PLOD2: variants seen among roughly 807,000 people sequenced by gnomAD.
PLOD2 encodes lysine hydroxylase 2.
A neutral mutation model predicts 101.0 loss-of-function variants in PLOD2; 65 were observed. That is an observed-to-expected ratio of 0.64 (90% CI 0.53 to 0.79). The LOEUF is 0.79. PLOD2 is among the 30% of genes least tolerant of loss of function. The pLI, the probability that PLOD2 is intolerant of heterozygous loss-of-function variation, is 0.00. For synonymous variants in PLOD2, 314 were observed against 302.9 expected (o/e 1.04, Z -0.38); for missense variants, 909 against 914.6 (o/e 0.99, Z 0.08).
intron 5 of PLOD2, chr3:146,105,007 A>G (rs887905292): frequency 2.6e-5 from 4 of 152,200 alleles, no homozygotes; most frequent in African/African-American, 2.4e-5. Flanking sequence ...TACGAATGCA[A>G]CGACTGAAAC....
At chr3:146,106,477 A>G (rs1937536110) in intron 5 of PLOD2, 55 bp downstream of exon 5, 1 of 838,754 alleles carries the variant, frequency 1.2e-6, no homozygotes, top group Admixed American at 1.7e-5. Context: ...TTAACACAAT[A>G]TAACACACAA....
chr3:146,077,841 TA>T lies in PLOD2; in HGVS notation c.1563+20del. ...CAAATATTAAATAAACAAAAATAAATAAAATAAGTAAAAATAACACCTTTGG... is the reference window on the plus strand; with the variant it reads ...CAAATATTAAATAAACAAAAATAAATAAATAAGTAAAAATAACACCTTTGG... On this transcript the variant is annotated intron_variant, in intron 14 of 19. Coordinates refer to ENST00000282903, the MANE Select transcript of PLOD2 (RefSeq NM_182943.3). The T allele has an allele frequency of 6.9e-7, 1 of 1,448,044 alleles. No individual in the cohort carries two copies. Among genetic ancestry groups the T allele is most frequent in the South Asian group, 1.2e-5 (1 of 82,532 alleles). 89.7% of individuals were successfully genotyped at this position (1,448,044 alleles called of 1,614,324 possible).
Position 146,124,251 on chromosome 3 carries a change from AAAG to A in PLOD2, c.110-25_110-23del, listed in dbSNP as rs761194465. 2.2e-4 allele frequency: 290 copies of A among 1,347,520 alleles called. No individual in the cohort carries two copies. The East Asian group carries it at 6.3e-3, about 29-fold the overall frequency. The allele number at this position is 1,347,520 out of a possible 1,614,324, so 83.5% of individuals were successfully genotyped here. ...TTATCTGCAAAGACAAAAGGAAACAAAAGAAGGTTTACCAAGATATCAAATGCT... is the reference window on the plus strand; with the variant it reads ...TTATCTGCAAAGACAAAAGGAAACAAAAGGTTTACCAAGATATCAAATGCT... On this transcript the variant is annotated intron_variant, in intron 1 of 19. Transcript: ENST00000282903.
intron 15 of PLOD2, among the ~76,000 whole-genome samples, chr3:146,074,193 G>A: frequency 6.6e-6 from 1 of 151,216 alleles, no homozygotes; most frequent in South Asian, 2.1e-4. Context: ...ATTCAAATAT[G>A]GATATTTACT....
At chr3:146,086,667 C>A (rs982737547) in intron 10 of PLOD2, 120 bp downstream of exon 10, 3 of 626,890 alleles carry the variant, frequency 4.8e-6, no homozygotes, top group South Asian at 5.0e-5. Context: ...CTACTGCATA[C>A]GCAAACAAAT....
At chr3:146,111,955 G>A (rs1302223739) in intron 3 of PLOD2, among the ~76,000 whole-genome samples, 3 of 152,064 alleles carry the variant, frequency 2.0e-5, no homozygotes, top group African/African-American at 4.8e-5. Flanking sequence ...ACTACCATGC[G>A]AGTGATAAAC....
intron 15 of PLOD2, 141 bp from the exon 16 acceptor site, chr3:146,073,493 T>C (rs1936224553): frequency 2.5e-6 from 1 of 407,096 alleles, no homozygotes; most frequent in Non-Finnish European, 4.6e-6. Flanking sequence ...GAAATCACAG[T>C]ATATAGCCTA....
At chr3:146,080,344 C>T (rs1208544697) in intron 12 of PLOD2, among the ~76,000 whole-genome samples, 1 of 152,008 alleles carries the variant, frequency 6.6e-6, no homozygotes, top group Non-Finnish European at 1.5e-5. Flanking sequence ...ATAAAAGTTA[C>T]ATGAATGTTT....
At chr3:146,095,670 C>A (rs1317172306) in intron 7 of PLOD2, among the ~76,000 whole-genome samples, 1 of 152,008 alleles carries the variant, frequency 6.6e-6, no homozygotes, top group Admixed American at 6.5e-5. Flanking sequence ...GGATCTAGAA[C>A]CAGAAATACC....
Position 146,085,281 on chromosome 3 carries a change from T to G in PLOD2, c.1128-8A>C. On this transcript the variant is annotated splice_region_variant and splice_polypyrimidine_tract_variant and intron_variant, in intron 10 of 19. Coordinates refer to ENST00000282903, the MANE Select transcript of PLOD2 (RefSeq NM_182943.3). ...TCCTGACGGCAAAAGTCCCTAACAG[T>G]GAAAAAGAAAATGAAATGGGCATGA... 1 of 1,439,944 alleles carries G rather than the reference T, an allele frequency of 6.9e-7. No homozygotes were observed. The highest frequency in any genetic ancestry group is 1.1e-5 in the South Asian group (1 of 87,412). The allele number at this position is 1,439,944 out of a possible 1,614,324, so 89.2% of individuals were successfully genotyped here.
At position 146,080,511 on chromosome 3, in the gene PLOD2, T is replaced by C. The variant is rs983783286; in HGVS notation, c.1358+1227A>G. Among the ~76,000 whole-genome samples, 29 of 150,580 alleles carry C rather than the reference T, an allele frequency of 1.9e-4. No homozygotes were observed. The South Asian group carries it at 2.5e-3, about 13-fold the overall frequency. On this transcript the variant is annotated intron_variant, in intron 12 of 19. Transcript: ENST00000282903. Reference sequence around the variant, plus strand: ...GGGAATTATTCAGTGTTTCAACTTATACACACACACATACACACACACACA... The same window carrying C: ...GGGAATTATTCAGTGTTTCAACTTACACACACACACATACACACACACACA...
rs145658936 is a variant in PLOD2, at chr3:146,073,438, C to T, written c.1678-86G>A. On this transcript the variant is annotated intron_variant, in intron 15 of 19. Coordinates refer to ENST00000282903, the MANE Select transcript of PLOD2 (RefSeq NM_182943.3). ...AAGCATATGCATTTTAGAAATTATT[C>T]AACTTATAAATGATTATGTATAGTG... 1,851 of 533,926 alleles carry T rather than the reference C, an allele frequency of 3.5e-3. 29 individuals are homozygous for T. The highest frequency in any genetic ancestry group is 0.033 in the African/African-American group (1,691 of 51,562). The allele number at this position is 533,926 out of a possible 1,614,324, so 33.1% of individuals were successfully genotyped here.
At chr3:146,154,513 G>A (rs1026393073) in intron 1 of PLOD2, among the ~76,000 whole-genome samples, 1 of 151,112 alleles carries the variant, frequency 6.6e-6, no homozygotes, top group Non-Finnish European at 1.5e-5. Flanking sequence ...CTCTTGAAAT[G>A]AAGAGCAAAG....
chr3:146,107,233 G>A (rs1163092586), intron 4 of PLOD2, among the ~76,000 whole-genome samples: 1 of 152,164 alleles, frequency 6.6e-6, no homozygotes, highest in African/African-American at 2.4e-5. Context: ...CCATTTTCTG[G>A]CTAGGTTTTT....
chr3:146,098,453 GTTAA>G (rs1937278472), intron 7 of PLOD2, among the ~76,000 whole-genome samples: 2 of 152,088 alleles, frequency 1.3e-5, no homozygotes, highest in Middle Eastern at 6.8e-3. Flanking sequence ...TAAATAAAAT[GTTAA>G]TTAAGAAACA....
intron 10 of PLOD2, chr3:146,085,673 T>C (rs1267191981): frequency 2.0e-5 from 4 of 202,952 alleles, no homozygotes; most frequent in Non-Finnish European, 3.9e-5. Flanking sequence ...TTTCAGGTAT[T>C]AATATTTTAC....
intron 7 of PLOD2, among the ~76,000 whole-genome samples, chr3:146,098,026 G>A (rs1170363889): frequency 6.6e-6 from 1 of 151,998 alleles, no homozygotes; most frequent in Non-Finnish European, 1.5e-5. Context: ...ACAGGGAGGG[G>A]AACATCACAC....
At chr3:146,119,493 C>A (rs1280410520) in intron 3 of PLOD2, among the ~76,000 whole-genome samples, 4 of 151,900 alleles carry the variant, frequency 2.6e-5, no homozygotes, top group Non-Finnish European at 5.9e-5. Context: ...GCACAACGTG[C>A]AGGTTAGTTA....
At chr3:146,158,893 TAAAG>T (rs141758206) in intron 1 of PLOD2, among the ~76,000 whole-genome samples, 3 of 152,322 alleles carry the variant, frequency 2.0e-5, no homozygotes, top group African/African-American at 7.2e-5. Context: ...GCACTCTTCT[TAAAG>T]AACTATTAAG....
Sources: gnomAD v4.1 joint callset for allele counts (sites outside exome capture counted in the v4.1 genomes callset) on GRCh38, gnomAD v4.1.1 for gene constraint, MANE v1.5 for transcripts, NCBI Gene and HGNC (gene_info 2026-07-23, HGNC 2026-07-21) for gene names.